The following XPO6 variants were observed in gnomAD, a reference collection of about 807,000 sequenced individuals.
XPO6 encodes exportin 6.
XPO6 carries 3 observed loss-of-function variants against 130.0 expected under a neutral mutation model. The observed-to-expected ratio is 0.02, with a 90% CI of 0.01 to 0.06. The LOEUF (loss-of-function observed/expected upper bound fraction) is 0.06, where lower values mean the gene tolerates loss of function less well. Ranked by LOEUF, XPO6 falls within the 10% of genes least tolerant of loss-of-function variation. The pLI is 1.00. For synonymous variants in XPO6, 524 were observed against 548.9 expected, an observed-to-expected ratio of 0.95 and a Z score of 0.63; for missense variants, 970 against 1,393.0, an observed-to-expected ratio of 0.70 and a Z score of 4.83.
intron 1 of XPO6, among the ~76,000 whole-genome samples, chr16:28,196,404 G>A (rs1393336812): frequency 6.6e-6 from 1 of 152,178 alleles, no homozygotes; most frequent in African/African-American, 2.4e-5. Flanking sequence ...GTCACCAGGG[G>A]CTGGGGCAAG....
intron 4 of XPO6, among the ~76,000 whole-genome samples, chr16:28,175,109 T>C (rs777626178): frequency 3.3e-5 from 5 of 152,144 alleles, no homozygotes; most frequent in Non-Finnish European, 7.4e-5. Flanking sequence ...GAAAAATCTA[T>C]CTGAGCCAGA....
At position 28,182,739 on chromosome 16, in the gene XPO6, T is replaced by C. The variant is rs138044702; in HGVS notation, c.4-1708A>G. Among the ~76,000 whole-genome samples, 687 of 152,304 alleles carry C rather than the reference T, an allele frequency of 4.5e-3. 6 individuals are homozygous for C. Among genetic ancestry groups the C allele is most frequent in the African/African-American group, 0.016 (667 of 41,568 alleles). On this transcript the variant is annotated intron_variant, in intron 1 of 23. Transcript: ENST00000304658. The stretch of plus-strand genomic sequence containing the variant: ...AATAAGACTGCAATCTTCTAAAATG[T>C]TTCAAGTGTTTGTGTTGATCAAAAC...
intron 9 of XPO6, among the ~76,000 whole-genome samples, chr16:28,141,996 A>G (rs1290760107): frequency 1.3e-5 from 2 of 152,300 alleles, no homozygotes; most frequent in Admixed American, 1.3e-4. Context: ...AAATCTATGT[A>G]TATTTGTGCT....
At chr16:28,210,659 C>T (rs909258383) in intron 1 of XPO6, among the ~76,000 whole-genome samples, 2 of 152,072 alleles carry the variant, frequency 1.3e-5, no homozygotes, top group African/African-American at 4.8e-5. Context: ...TGTGAGTACA[C>T]ACATTTAGGG....
At chr16:28,139,852 CA>C (rs2042853716) in intron 9 of XPO6, among the ~76,000 whole-genome samples, 1 of 152,168 alleles carries the variant, frequency 6.6e-6, no homozygotes. Flanking sequence ...AAAAACTGAT[CA>C]AACTAAAAGG....
chr16:28,189,693 C>G (rs2043755374), intron 1 of XPO6, among the ~76,000 whole-genome samples: 1 of 152,122 alleles, frequency 6.6e-6, no homozygotes, highest in African/African-American at 2.4e-5. Flanking sequence ...CAATCTGGAA[C>G]AAAGTCATCC....
chr16:28,166,504 A>G lies in XPO6; in HGVS notation c.643+4T>C. ...GAATGCCTTGGCTGGCAGGCAGACC[A>G]TACCACTTTCTCCTGAGGTCGGGGA... On this transcript the variant is annotated splice_donor_region_variant and intron_variant, in intron 6 of 23. Coordinates refer to ENST00000304658, the MANE Select transcript of XPO6 (RefSeq NM_015171.4). 6.3e-7 allele frequency: 1 copy of G among 1,582,448 alleles called. No homozygotes were observed. Among genetic ancestry groups the G allele is most frequent in the Non-Finnish European group, 8.6e-7 (1 of 1,162,558 alleles).
At chr16:28,136,017 A>G (rs1402655245) in intron 9 of XPO6, among the ~76,000 whole-genome samples, 1 of 152,184 alleles carries the variant, frequency 6.6e-6, no homozygotes, top group African/African-American at 2.4e-5. Flanking sequence ...ACTGCATATA[A>G]ATATTACCTA....
chr16:28,137,642 C>CT (rs55827349), intron 9 of XPO6, among the ~76,000 whole-genome samples: 4 of 150,070 alleles, frequency 2.7e-5, no homozygotes, highest in African/African-American at 9.8e-5. Context: ...ACCAGAGTAT[C>CT]TTTTTTTTTT....
Position 28,106,531 on chromosome 16 carries a change from T to C in XPO6, c.2498-34A>G, listed in dbSNP as rs769315737. The C allele has an allele frequency of 1.3e-6, 2 of 1,568,140 alleles. No homozygotes were observed. Among genetic ancestry groups the C allele is most frequent in the Non-Finnish European group, 8.8e-7 (1 of 1,139,796 alleles). On this transcript the variant is annotated intron_variant, in intron 18 of 23. Coordinates refer to ENST00000304658, the MANE Select transcript of XPO6 (RefSeq NM_015171.4). The surrounding 1 kb of genome is among the most constrained non-coding windows in gnomAD (Gnocchi z 4.2). The stretch of plus-strand genomic sequence containing the variant: ...AGGGGCAGAGATATCGTCAGAGGCT[T>C]GCACACAGTGAGAACCAGAACCCTG...
At chr16:28,165,773 T>G (rs1001420580) in intron 6 of XPO6, among the ~76,000 whole-genome samples, 1 of 152,228 alleles carries the variant, frequency 6.6e-6, no homozygotes, top group East Asian at 1.9e-4. Context: ...TATGTGTCAA[T>G]TCACAGGATG....
intron 8 of XPO6, among the ~76,000 whole-genome samples, chr16:28,146,699 T>C (rs1435093950): frequency 6.6e-6 from 1 of 152,196 alleles, no homozygotes; most frequent in Non-Finnish European, 1.5e-5. Flanking sequence ...GTAAGGAAAG[T>C]AACACTTGCA....
chr16:28,146,308 G>A (rs2042981717), intron 8 of XPO6, 105 bp from the exon 9 acceptor site: 2 of 932,620 alleles, frequency 2.1e-6, no homozygotes, highest in African/African-American at 1.7e-5. Context: ...GAAATCATAA[G>A]CCTAGATTCC....
Position 28,211,401 on chromosome 16 carries a change from G to C in XPO6, c.-33C>G. 7.6e-7 allele frequency: 1 copy of C among 1,312,132 alleles called. No homozygotes were observed. The highest frequency in any genetic ancestry group is 2.8e-5 in the East Asian group (1 of 35,666). 81.3% of individuals were successfully genotyped at this position (1,312,132 alleles called of 1,614,324 possible). On this transcript the variant is annotated 5_prime_UTR_variant, in exon 1 of 24. Transcript: ENST00000304658. ...GGGGAGGGGGCGGCTCAGATGAGCT[G>C]GTTCTTGGGCTTCGGACACGTCCCG...
chr16:28,122,981 T>C (rs1347859786), intron 13 of XPO6, among the ~76,000 whole-genome samples: 7 of 152,100 alleles, frequency 4.6e-5, no homozygotes, highest in Non-Finnish European at 7.3e-5. Flanking sequence ...AGAAGCAAGC[T>C]GTTGAGCCCA....
intron 4 of XPO6, among the ~76,000 whole-genome samples, chr16:28,175,241 T>A (rs1213493879): frequency 6.6e-6 from 1 of 151,708 alleles, no homozygotes; most frequent in African/African-American, 2.4e-5. Context: ...TTGGCTCAGA[T>A]CCTCTACACC....
At chr16:28,195,987 C>T (rs1296693967) in intron 1 of XPO6, among the ~76,000 whole-genome samples, 1 of 152,206 alleles carries the variant, frequency 6.6e-6, no homozygotes, top group Non-Finnish European at 1.5e-5. Context: ...CACTCCAAAT[C>T]AAGGTAAATG....
intron 8 of XPO6, among the ~76,000 whole-genome samples, chr16:28,147,975 C>G (rs1274136021): frequency 1.3e-5 from 2 of 152,078 alleles, no homozygotes; most frequent in African/African-American, 4.8e-5. Flanking sequence ...TATGAGTAGT[C>G]CTTGGACAGG....
intron 14 of XPO6, among the ~76,000 whole-genome samples, chr16:28,118,021 T>C (rs1323762878): frequency 1.3e-5 from 2 of 152,228 alleles, no homozygotes; most frequent in Non-Finnish European, 2.9e-5. Context: ...ATCAAAAAAG[T>C]ATGCAATTCA....
Sources: gnomAD v4.1 joint callset for allele counts (sites outside exome capture counted in the v4.1 genomes callset) on GRCh38, gnomAD v4.1.1 for gene constraint, Gnocchi (gnomAD v3.1) non-coding constraint, MANE v1.5 for transcripts, NCBI Gene and HGNC (gene_info 2026-07-23, HGNC 2026-07-21) for gene names.